The following KCNIP4 variants were observed in gnomAD, a reference collection of about 807,000 sequenced individuals.
KCNIP4 encodes the protein potassium voltage-gated channel interacting protein 4, also known as Kv channel-interacting protein 4.
Under a neutral mutation model 34.0 loss-of-function variants are expected in KCNIP4, and 12 were observed. That is an observed-to-expected ratio of 0.35 (90% CI 0.23 to 0.57). The LOEUF is 0.57. Among genes scored for constraint, KCNIP4 ranks in the 20% least tolerant of loss-of-function variants. The probability of loss-of-function intolerance (pLI) is 0.83; values close to 1 mark genes in which losing one functional copy is unlikely to be tolerated. For missense variants in KCNIP4, 238 were observed against 311.7 expected (o/e 0.76, Z 1.78); for synonymous variants, 124 against 102.2 (o/e 1.21, Z -1.29).
intron 1 of KCNIP4, among the ~76,000 whole-genome samples, chr4:21,329,589 A>G (rs1465789559): frequency 6.6e-6 from 1 of 152,180 alleles, no homozygotes; most frequent in Non-Finnish European, 1.5e-5. Flanking sequence ...AGAGAACGGT[A>G]TATGGTGCTA....
intron 1 of KCNIP4, among the ~76,000 whole-genome samples, chr4:21,359,885 G>A (rs922610680): frequency 2.0e-5 from 3 of 152,054 alleles, no homozygotes; most frequent in Non-Finnish European, 2.9e-5. Flanking sequence ...CATATAAGAT[G>A]AAGAAATATA....
At chr4:21,194,964 T>A (rs1422090894) in intron 1 of KCNIP4, among the ~76,000 whole-genome samples, 1 of 152,236 alleles carries the variant, frequency 6.6e-6, no homozygotes, top group African/African-American at 2.4e-5. Flanking sequence ...GTTTTACTCC[T>A]ACTATTCTAA....
intron 3 of KCNIP4, among the ~76,000 whole-genome samples, chr4:20,795,709 T>C (rs377319231): frequency 0.039 from 5,995 of 152,246 alleles, 191 homozygotes; most frequent in East Asian, 0.2. Flanking sequence ...TAACTCTAGT[T>C]TTTTTAAGGA....
At chr4:21,213,507 G>A (rs1757367834) in intron 1 of KCNIP4, among the ~76,000 whole-genome samples, 1 of 152,012 alleles carries the variant, frequency 6.6e-6, no homozygotes, top group Non-Finnish European at 1.5e-5. Context: ...TCACCAAGTT[G>A]GCCAGGCTGG....
chr4:21,618,352 A>G (rs1712183735), intron 1 of KCNIP4, among the ~76,000 whole-genome samples: 1 of 152,228 alleles, frequency 6.6e-6, no homozygotes, highest in South Asian at 2.1e-4. Context: ...TAAATCAAGT[A>G]TATAAAATTG....
intron 1 of KCNIP4, among the ~76,000 whole-genome samples, chr4:21,357,152 T>C (rs903547336): frequency 5.3e-5 from 8 of 152,192 alleles, no homozygotes; most frequent in African/African-American, 1.4e-4. Flanking sequence ...TTACAACTTA[T>C]AGAAAAATTA....
intron 1 of KCNIP4, among the ~76,000 whole-genome samples, chr4:21,272,624 GA>G (rs1301818304): frequency 1.3e-5 from 2 of 152,086 alleles, no homozygotes; most frequent in African/African-American, 2.4e-5. Flanking sequence ...AATGTACTTT[GA>G]AGGAGGCTAA....
At chr4:21,118,491 A>AT (rs1275773531) in intron 1 of KCNIP4, among the ~76,000 whole-genome samples, 1 of 152,060 alleles carries the variant, frequency 6.6e-6, no homozygotes, top group African/African-American at 2.4e-5. Flanking sequence ...AAGCCTTCCC[A>AT]TTTTGCATTA....
At chr4:21,014,421 T>G (rs1739325693) in intron 1 of KCNIP4, among the ~76,000 whole-genome samples, 1 of 152,196 alleles carries the variant, frequency 6.6e-6, no homozygotes, top group Non-Finnish European at 1.5e-5. Flanking sequence ...ACATCCAAAT[T>G]TATTTTTAAA....
chr4:20,750,504 G>A (rs1381170534), intron 4 of KCNIP4, among the ~76,000 whole-genome samples: 1 of 152,162 alleles, frequency 6.6e-6, no homozygotes. Context: ...TGATGGACAG[G>A]TATGTCTTCT....
At chr4:21,536,335 G>A (rs555643492) in intron 1 of KCNIP4, among the ~76,000 whole-genome samples, 1 of 152,208 alleles carries the variant, frequency 6.6e-6, no homozygotes, top group South Asian at 2.1e-4. Context: ...TTGCATAGTT[G>A]CATTTACTAA....
chr4:20,779,437 G>A (rs1270495181), intron 3 of KCNIP4, among the ~76,000 whole-genome samples: 2 of 151,992 alleles, frequency 1.3e-5, no homozygotes, highest in African/African-American at 2.4e-5. Context: ...TAGAGAAGTG[G>A]AAGACAAATC....
At position 21,084,437 on chromosome 4, in the gene KCNIP4, C is replaced by T. The variant is rs16870344; in HGVS notation, c.62-201728G>A. ...CAGTGGATAAATCTAAATGACATTACGTGGGCTATGATTCCTTTCTCCATG... is the reference window on the plus strand; with the variant it reads ...CAGTGGATAAATCTAAATGACATTATGTGGGCTATGATTCCTTTCTCCATG... On this transcript the variant is annotated intron_variant, in intron 1 of 8. Transcript: ENST00000382152. 7.7e-3 allele frequency among the ~76,000 whole-genome samples: 1,162 copies of T among 151,196 alleles called. 34 individuals carry two copies. The highest frequency in any genetic ancestry group is 0.027 in the African/African-American group (1,103 of 40,976).
chr4:21,748,502 A>G (rs560654750), intron 1 of KCNIP4, among the ~76,000 whole-genome samples: 3 of 152,168 alleles, frequency 2.0e-5, no homozygotes, highest in Non-Finnish European at 4.4e-5. Flanking sequence ...ATGAAAACAG[A>G]CCAAAAAATA....
At chr4:20,896,577 C>A (rs1022216180) in intron 1 of KCNIP4, among the ~76,000 whole-genome samples, 1 of 152,044 alleles carries the variant, frequency 6.6e-6, no homozygotes, top group Non-Finnish European at 1.5e-5. Flanking sequence ...CAAGAAATGC[C>A]AAGGATTTCC....
At chr4:20,786,531 A>G (rs1712018592) in intron 3 of KCNIP4, among the ~76,000 whole-genome samples, 1 of 152,204 alleles carries the variant, frequency 6.6e-6, no homozygotes, top group Non-Finnish European at 1.5e-5. Context: ...CCATATTTCT[A>G]TAATGAGCAT....
rs1313472569 is a variant in KCNIP4 at position 21,079,289 on chromosome 4, T to G, written c.62-196580A>C. On this transcript the variant is annotated intron_variant, in intron 1 of 8. Coordinates refer to ENST00000382152, the MANE Select transcript of KCNIP4 (RefSeq NM_025221.6). ...TGAGCTAATTAAAATATAAATATGA[T>G]GTATGTTTTATATACTTCCAAAATG... Among the ~76,000 whole-genome samples, 4 of 152,258 alleles carry G rather than the reference T, an allele frequency of 2.6e-5. No homozygotes were observed. In the South Asian group the frequency reaches 8.3e-4, roughly 32 times the overall value.
At chr4:21,073,039 G>A (rs1175726479) in intron 1 of KCNIP4, among the ~76,000 whole-genome samples, 1 of 152,180 alleles carries the variant, frequency 6.6e-6, no homozygotes, top group Non-Finnish European at 1.5e-5. Context: ...TGCTGTTTTA[G>A]TTGCTGTAGC....
At chr4:21,758,466 A>T (rs979761044) in intron 1 of KCNIP4, among the ~76,000 whole-genome samples, 2 of 152,186 alleles carry the variant, frequency 1.3e-5, no homozygotes, top group African/African-American at 4.8e-5. Flanking sequence ...TTTCTGCAGG[A>T]CTTTGGCACA....
Sources: allele counts gnomAD v4.1 joint callset (sites outside exome capture counted in the v4.1 genomes callset), GRCh38; gene constraint gnomAD v4.1.1; transcripts MANE v1.5; gene names NCBI Gene and HGNC (gene_info 2026-07-23, HGNC 2026-07-21).